The following LNPK variants were observed in gnomAD, a reference collection of about 807,000 sequenced individuals.
The protein encoded by LNPK is endoplasmic reticulum junction formation protein lunapark.
Under a neutral mutation model 55.2 loss-of-function variants are expected in LNPK, and 29 were observed. The observed-to-expected ratio is 0.53, with a 90% confidence interval of 0.39 to 0.72. The LOEUF (loss-of-function observed/expected upper bound fraction) is 0.72, where lower values mean the gene tolerates loss of function less well. Among genes scored for constraint, LNPK ranks in the 30% least tolerant of loss-of-function variants. The pLI, the probability that LNPK is intolerant of heterozygous loss-of-function variation, is 0.00. For synonymous variants in LNPK, 162 were observed against 168.2 expected (o/e 0.96, Z 0.29); for missense variants, 467 against 494.8 (o/e 0.94, Z 0.53).
In LNPK at chr2:176,000,310, T is replaced by C. The variant is rs73978131; in HGVS notation, c.-63+1850A>G. On this transcript the variant is annotated intron_variant, in intron 1 of 12. Transcript: ENST00000272748. ...ACTTAAACTCTGCACGCCTCAGTTA[T>C]TGCATTTGCAAAATGGTAAAAATAT... 3.3e-3 allele frequency among the ~76,000 whole-genome samples: 496 copies of C among 152,330 alleles called. 2 individuals carry two copies. Among genetic ancestry groups the C allele is most frequent in the African/African-American group, 0.011 (478 of 41,582 alleles).
rs1684069224 is a variant in LNPK at position 175,927,605 on chromosome 2, G to A, written c.*2362C>T. The stretch of plus-strand genomic sequence containing the variant: ...GACGGAGAGACAGAAGCTAGACCAT[G>A]TTTGTAGATCATGCTCAGGACATAG... On this transcript the variant is annotated 3_prime_UTR_variant, in exon 13 of 13. Coordinates refer to ENST00000272748, the MANE Select transcript of LNPK (RefSeq NM_030650.3). 6.6e-6 allele frequency: 1 copy of A among 152,180 alleles called. No individual in the cohort carries two copies. Among genetic ancestry groups the A allele is most frequent in the Non-Finnish European group, 1.5e-5 (1 of 68,036 alleles). The allele number at this position is 152,180 out of a possible 1,614,324, so 9.4% of individuals were successfully genotyped here. A position where few individuals can be genotyped will look rare whatever the true frequency, so the allele number is the denominator to read the frequency against.
chr2:175,929,338 C>A lies in LNPK; in HGVS notation c.*629G>T. The A allele has an allele frequency of 1.0e-6, 1 of 985,406 alleles. No homozygotes were observed. The highest frequency in any genetic ancestry group is 4.7e-5 in the South Asian group (1 of 21,274). 61.0% of individuals were successfully genotyped at this position (985,406 alleles called of 1,614,324 possible). A position where few individuals can be genotyped will look rare whatever the true frequency, so the allele number is the denominator to read the frequency against. The stretch of plus-strand genomic sequence containing the variant: ...TAAAAGACATCAAAAAGAAACACTG[C>A]AGTTGACTGTTTCATTGCATTCTCA... On this transcript the variant is annotated 3_prime_UTR_variant, in exon 13 of 13. Coordinates refer to ENST00000272748, the MANE Select transcript of LNPK (RefSeq NM_030650.3).
At chr2:175,947,010 TAA>T (rs950784432) in intron 9 of LNPK, among the ~76,000 whole-genome samples, 1 of 145,970 alleles carries the variant, frequency 6.9e-6, no homozygotes. Context: ...TTCTATGCCT[TAA>T]AAAAAAAAAA....
chr2:175,958,305 C>T (rs181559322), intron 8 of LNPK, among the ~76,000 whole-genome samples: 12 of 152,314 alleles, frequency 7.9e-5, no homozygotes, highest in African/African-American at 2.9e-4. Flanking sequence ...AGACACCTGC[C>T]AGTAGGGGTC....
chr2:176,002,340 G>C (rs748487668), upstream of LNPK: 4 of 417,934 alleles, frequency 9.6e-6, no homozygotes, highest in South Asian at 6.8e-5. Context: ...GTCGGCGCGC[G>C]CCGCTCCCCC....
intron 8 of LNPK, 61 bp from the exon 9 acceptor site, chr2:175,947,753 A>G (rs927975750): frequency 8.4e-7 from 1 of 1,184,710 alleles, no homozygotes; most frequent in Admixed American, 2.4e-5. Context: ...CCAGTATCAC[A>G]AACAATTTAT....
rs1684018858 is a variant in LNPK, at chr2:175,926,644, T to C, written c.*3323A>G. The C allele has an allele frequency of 1.3e-5, 2 of 152,162 alleles. No homozygotes were observed. The highest frequency in any genetic ancestry group is 2.9e-5 in the Non-Finnish European group (2 of 68,046). 9.4% of individuals were successfully genotyped at this position (152,162 alleles called of 1,614,324 possible). On this transcript the variant is annotated 3_prime_UTR_variant, in exon 13 of 13. Coordinates refer to ENST00000272748, the MANE Select transcript of LNPK (RefSeq NM_030650.3). The stretch of plus-strand genomic sequence containing the variant: ...TCTTGCCAAAGTACAAATATAATAA[T>C]ATATATACAGCAGTTAGCATGTTGC...
intron 12 of LNPK, among the ~76,000 whole-genome samples, chr2:175,932,793 G>C (rs148883325): frequency 1.8e-4 from 28 of 152,210 alleles, no homozygotes; most frequent in African/African-American, 6.5e-4. Context: ...CACATCATTT[G>C]CCCATTCTAA....
chr2:175,958,943 G>A (rs552699069), intron 8 of LNPK, among the ~76,000 whole-genome samples: 4 of 152,276 alleles, frequency 2.6e-5, no homozygotes, highest in East Asian at 1.9e-4. Flanking sequence ...TTCAGTAGCC[G>A]ATTTCATCAA....
chr2:175,983,187 G>A (rs1012610203), intron 4 of LNPK, among the ~76,000 whole-genome samples: 12 of 152,124 alleles, frequency 7.9e-5, no homozygotes, highest in Non-Finnish European at 1.5e-5. Flanking sequence ...ACACTCCTCA[G>A]TTTGGTTCCA....
At chr2:175,964,293 C>A in intron 8 of LNPK, 79 bp downstream of exon 8, 1 of 1,186,708 alleles carries the variant, frequency 8.4e-7, no homozygotes. Context: ...TTTTTGCACA[C>A]CTCCAACACA....
intron 5 of LNPK, among the ~76,000 whole-genome samples, chr2:175,973,446 G>C (rs1248454529): frequency 6.6e-6 from 1 of 152,162 alleles, no homozygotes; most frequent in East Asian, 1.9e-4. Flanking sequence ...GTTCTGTGAA[G>C]TACCTGTTGT....
chr2:175,989,182 CAT>C (rs757715220), intron 4 of LNPK, among the ~76,000 whole-genome samples: 56 of 152,268 alleles, frequency 3.7e-4, no homozygotes, highest in Non-Finnish European at 6.9e-4. Context: ...AAATACCTAA[CAT>C]GTGCTACTTG....
chr2:175,956,034 C>A (rs530741899), intron 8 of LNPK, among the ~76,000 whole-genome samples: 125 of 152,224 alleles, frequency 8.2e-4, no homozygotes, highest in African/African-American at 3.0e-3. Flanking sequence ...AATTCTAGCA[C>A]TTTGGGAGGC....
chr2:175,939,800 TG>T (rs1684730334), intron 9 of LNPK, 143 bp from the exon 10 acceptor site: 32 of 506,402 alleles, frequency 6.3e-5, no homozygotes, highest in Middle Eastern at 5.1e-4. Context: ...TATAAATCTC[TG>T]AAGAACATTC....
At chr2:175,954,141 G>A (rs948125560) in intron 8 of LNPK, among the ~76,000 whole-genome samples, 8 of 152,042 alleles carry the variant, frequency 5.3e-5, no homozygotes, top group South Asian at 2.1e-4. Context: ...TTACCATACC[G>A]TTTATTACAT....
chr2:175,977,488 G>A (rs190199534), intron 5 of LNPK, among the ~76,000 whole-genome samples: 1 of 151,964 alleles, frequency 6.6e-6, no homozygotes, highest in Non-Finnish European at 1.5e-5. Flanking sequence ...TAGTAGAAGA[G>A]GTAAAGCAAA....
At chr2:175,984,138 T>C (rs1386079732) in intron 4 of LNPK, among the ~76,000 whole-genome samples, 1 of 150,984 alleles carries the variant, frequency 6.6e-6, no homozygotes, top group African/African-American at 2.4e-5. Context: ...ATCTAAAGAT[T>C]AGGGGGAAAA....
At chr2:175,983,837 G>A (rs1228256451) in intron 4 of LNPK, among the ~76,000 whole-genome samples, 2 of 150,410 alleles carry the variant, frequency 1.3e-5, no homozygotes, top group Admixed American at 6.6e-5. Context: ...TCCAAAAAAC[G>A]TTGACTGAGC....
Sources: gnomAD v4.1 joint callset for allele counts (sites outside exome capture counted in the v4.1 genomes callset) on GRCh38, gnomAD v4.1.1 for gene constraint, MANE v1.5 for transcripts, NCBI Gene and HGNC (gene_info 2026-07-23, HGNC 2026-07-21) for gene names.